KCNIP1: variants seen among roughly 807,000 people sequenced by gnomAD.
The protein encoded by KCNIP1 is A-type potassium channel modulatory protein KCNIP1.
KCNIP1 carries 18 observed loss-of-function variants against 33.0 expected under a neutral mutation model. The observed-to-expected ratio is 0.55, with a 90% CI of 0.38 to 0.81. KCNIP1 has a LOEUF of 0.81. Among genes scored for constraint, KCNIP1 ranks in the 30% least tolerant of loss-of-function variants. The pLI, the probability that KCNIP1 is intolerant of heterozygous loss-of-function variation, is 0.00. For synonymous variants in KCNIP1, 93 were observed against 98.3 expected (o/e 0.95, Z 0.32); for missense variants, 238 against 271.6 (o/e 0.88, Z 0.87).
chr5:170,529,969 C>G lies in KCNIP1; in HGVS notation c.61+25336C>G, dbSNP rs11958676. Among the ~76,000 whole-genome samples, 1,161 of 152,300 alleles carry G rather than the reference C, an allele frequency of 7.6e-3. 19 individuals carry two copies. The highest frequency in any genetic ancestry group is 0.027 in the African/African-American group (1,108 of 41,548). On this transcript the variant is annotated intron_variant, in intron 1 of 7. Transcript: ENST00000328939. ...TTTTACTTCCTGCTCACTTATTAAA[C>G]TCTTCCTTGAATGCTCCTCCTCCTG...
In KCNIP1 at chr5:170,718,913, G is replaced by A. The variant is rs369653987; in HGVS notation, c.186+31G>A. 7.5e-6 allele frequency: 12 copies of A among 1,595,214 alleles called. No homozygotes were observed. The South Asian group carries it at 9.0e-5, about 12-fold the overall frequency. The stretch of plus-strand genomic sequence containing the variant: ...ACCCGTGCACGCTCTGAAGGCCTGG[G>A]GGGGGTTCCCACGTGAGGCTACACT... On this transcript the variant is annotated intron_variant, in intron 2 of 7. Transcript: ENST00000328939.
chr5:170,433,024 G>A (rs114262079), intron 1 of KCNIP1, among the ~76,000 whole-genome samples: 3,098 of 152,190 alleles, frequency 0.02, 83 homozygotes, highest in African/African-American at 0.06. Flanking sequence ...TAAATAGGAG[G>A]AGACTGGGCA....
chr5:170,373,856 A>T (rs1445550309), intron 1 of KCNIP1, among the ~76,000 whole-genome samples: 1 of 152,242 alleles, frequency 6.6e-6, no homozygotes. Context: ...GCAAGCCTCC[A>T]CTTTGAGAAC....
intron 1 of KCNIP1, among the ~76,000 whole-genome samples, chr5:170,576,943 C>T (rs576846329): frequency 1.3e-5 from 2 of 152,216 alleles, no homozygotes; most frequent in African/African-American, 2.4e-5. Context: ...TTTTCAAAGG[C>T]GGGAGCTGCT....
chr5:170,460,475 A>G (rs1279116332), intron 1 of KCNIP1, among the ~76,000 whole-genome samples: 1 of 152,234 alleles, frequency 6.6e-6, no homozygotes, highest in East Asian at 1.9e-4. Flanking sequence ...ACAACATATC[A>G]AAAAGATAAT....
intron 1 of KCNIP1, among the ~76,000 whole-genome samples, chr5:170,659,662 C>T (rs2113743538): frequency 6.6e-6 from 1 of 152,296 alleles, no homozygotes; most frequent in South Asian, 2.1e-4. Flanking sequence ...GAGGAGTTAA[C>T]ATGCACAGCT....
At chr5:170,386,708 A>G (rs1231064712) in intron 1 of KCNIP1, among the ~76,000 whole-genome samples, 1 of 150,750 alleles carries the variant, frequency 6.6e-6, no homozygotes, top group Non-Finnish European at 1.5e-5. Flanking sequence ...TGTAAGGAAC[A>G]TTCCCCTACT....
rs547766234 is a variant in KCNIP1, at chr5:170,527,463, A to G, written c.61+22830A>G. 3.9e-5 allele frequency among the ~76,000 whole-genome samples: 6 copies of G among 152,104 alleles called. No homozygotes were observed. In the South Asian group the frequency reaches 8.3e-4, roughly 21 times the overall value. ...CCTTCTATGGAACATTAAAAAGGTC[A>G]CTTTCCCTCTCAAAGCCTCAGTTAG... is the stretch of plus-strand genomic sequence containing the variant. On this transcript the variant is annotated intron_variant, in intron 1 of 7. Coordinates refer to ENST00000328939, the MANE Select transcript of KCNIP1 (RefSeq NM_014592.4).
At chr5:170,426,898 C>A (rs1338434158) in intron 1 of KCNIP1, among the ~76,000 whole-genome samples, 2 of 152,266 alleles carry the variant, frequency 1.3e-5, no homozygotes, top group Non-Finnish European at 2.9e-5. Flanking sequence ...AGATAAAAAC[C>A]ACCCCATGTG....
intron 1 of KCNIP1, among the ~76,000 whole-genome samples, chr5:170,517,550 GTTGA>G (rs1755172836): frequency 7.0e-6 from 1 of 142,120 alleles, no homozygotes; most frequent in Non-Finnish European, 1.6e-5. Context: ...TATAGGTGAT[GTTGA>G]TTATAAGGGT....
In KCNIP1 at chr5:170,626,639, G is replaced by A. The variant is rs113635840; in HGVS notation, c.62-92119G>A. Reference sequence around the variant, plus strand: ...GTGGAGAAGAGGCTGCTGACTCCGGGGCCCCAGGACCTGGCCCCCAGGTCT... The same window carrying A: ...GTGGAGAAGAGGCTGCTGACTCCGGAGCCCCAGGACCTGGCCCCCAGGTCT... On this transcript the variant is annotated intron_variant, in intron 1 of 7. Coordinates refer to ENST00000328939, the MANE Select transcript of KCNIP1 (RefSeq NM_014592.4). 1.0e-2 allele frequency among the ~76,000 whole-genome samples: 1,522 copies of A among 152,302 alleles called. 27 individuals carry two copies. Among genetic ancestry groups the A allele is most frequent in the African/African-American group, 0.035 (1,440 of 41,554 alleles).
chr5:170,635,322 G>T (rs1561732235), intron 1 of KCNIP1, among the ~76,000 whole-genome samples: 1 of 152,168 alleles, frequency 6.6e-6, no homozygotes, highest in African/African-American at 2.4e-5. Context: ...GAGCCATCAC[G>T]CCCGGCCAAG....
chr5:170,433,869 C>T (rs920067492), intron 1 of KCNIP1, among the ~76,000 whole-genome samples: 2 of 152,170 alleles, frequency 1.3e-5, no homozygotes, highest in Admixed American at 6.5e-5. Context: ...CACAGCTCAT[C>T]GGGGCAGTGG....
intron 1 of KCNIP1, chr5:170,484,303 T>TATTTG (rs1342186527): frequency 6.6e-6 from 1 of 152,220 alleles, no homozygotes; most frequent in African/African-American, 2.4e-5. Context: ...ACAGCACGTG[T>TATTTG]TCCTCGGGGG....
intron 1 of KCNIP1, chr5:170,374,865 CAGG>C (rs1288535993): frequency 6.6e-6 from 1 of 152,146 alleles, no homozygotes; most frequent in Non-Finnish European, 1.5e-5. Flanking sequence ...TCTTTATTGA[CAGG>C]AGGAGAACAT....
At chr5:170,486,836 C>T (rs1374946983) in intron 1 of KCNIP1, among the ~76,000 whole-genome samples, 2 of 152,202 alleles carry the variant, frequency 1.3e-5, no homozygotes, top group South Asian at 2.1e-4. Context: ...TACCTGCCAC[C>T]CTGAGCACAC....
intron 1 of KCNIP1, among the ~76,000 whole-genome samples, chr5:170,607,896 A>G (rs1403456462): frequency 6.6e-6 from 1 of 152,218 alleles, no homozygotes; most frequent in African/African-American, 2.4e-5. Context: ...ACAGCCCGCA[A>G]CAAAATCTAC....
At chr5:170,526,320 C>T (rs867569280) in intron 1 of KCNIP1, among the ~76,000 whole-genome samples, 4 of 152,322 alleles carry the variant, frequency 2.6e-5, no homozygotes, top group Middle Eastern at 3.4e-3. Flanking sequence ...ATCAACTCTA[C>T]GCAGTAGCCC....
chr5:170,616,622 G>C (rs908571200), intron 1 of KCNIP1, among the ~76,000 whole-genome samples: 2 of 152,134 alleles, frequency 1.3e-5, no homozygotes, highest in South Asian at 4.1e-4. Flanking sequence ...TCTGTAATGT[G>C]AAAGAGGTGG....
Sources: allele counts gnomAD v4.1 joint callset (sites outside exome capture counted in the v4.1 genomes callset), GRCh38; gene constraint gnomAD v4.1.1; transcripts MANE v1.5; gene names NCBI Gene and HGNC (gene_info 2026-07-23, HGNC 2026-07-21).